Variants in SMYD3 observed in about 807,000 individuals in gnomAD.
SMYD3 encodes the protein histone-lysine N-methyltransferase SMYD3.
SMYD3 carries 36 observed loss-of-function variants against 57.7 expected under a neutral mutation model. The observed-to-expected ratio is 0.62, with a 90% CI of 0.48 to 0.82. The LOEUF (loss-of-function observed/expected upper bound fraction) is 0.82. Among genes scored for constraint, SMYD3 ranks in the 40% least tolerant of loss-of-function variants. SMYD3 has a pLI of 0.00. For synonymous variants in SMYD3, 211 were observed against 195.0 expected, an observed-to-expected ratio of 1.08 and a Z score of -0.68; for missense variants, 515 against 538.8, an observed-to-expected ratio of 0.96 and a Z score of 0.44.
intron 1 of SMYD3, among the ~76,000 whole-genome samples, chr1:246,503,781 G>A (rs2068493973): frequency 6.6e-6 from 1 of 152,032 alleles, no homozygotes; most frequent in African/African-American, 2.4e-5. Context: ...TGACTAACAT[G>A]GTGAAACCCC....
At chr1:245,920,288 G>A (rs1169844237) in intron 7 of SMYD3, among the ~76,000 whole-genome samples, 4 of 133,464 alleles carry the variant, frequency 3.0e-5, no homozygotes, top group Non-Finnish European at 3.1e-5. Context: ...ACTCCAGCCT[G>A]GGCGACAGAG....
chr1:246,304,409 A>G (rs1314947379), intron 5 of SMYD3, among the ~76,000 whole-genome samples: 1 of 152,224 alleles, frequency 6.6e-6, no homozygotes, highest in Non-Finnish European at 1.5e-5. Context: ...ATAAACATGA[A>G]AGACTTTCAA....
chr1:246,042,526 C>A (rs960838552), intron 5 of SMYD3, among the ~76,000 whole-genome samples: 1 of 152,158 alleles, frequency 6.6e-6, no homozygotes, highest in Non-Finnish European at 1.5e-5. Context: ...CGTTCAATTA[C>A]CTCTCTCCAT....
chr1:245,945,421 A>G (rs2057399871), intron 5 of SMYD3, among the ~76,000 whole-genome samples: 1 of 152,200 alleles, frequency 6.6e-6, no homozygotes, highest in Non-Finnish European at 1.5e-5. Context: ...CAAAGCCACA[A>G]TGAGAATCTC....
intron 4 of SMYD3, among the ~76,000 whole-genome samples, chr1:246,328,130 G>T (rs1308151233): frequency 6.6e-6 from 1 of 152,074 alleles, no homozygotes; most frequent in Admixed American, 6.5e-5. Flanking sequence ...GGAGGTGGCG[G>T]TTGCAGTGAG....
At chr1:246,445,768 G>T (rs1195741628) in intron 1 of SMYD3, among the ~76,000 whole-genome samples, 2 of 151,748 alleles carry the variant, frequency 1.3e-5, no homozygotes, top group African/African-American at 4.8e-5. Flanking sequence ...AAATTAATGT[G>T]CCTGAATGAC....
chr1:246,101,947 C>T lies in SMYD3; in HGVS notation c.532-172010G>A, dbSNP rs192885755. Among the ~76,000 whole-genome samples the T allele has an allele frequency of 2.4e-4, 37 of 152,316 alleles. No individual in the cohort carries two copies. The East Asian group carries it at 4.8e-3, about 20-fold the overall frequency. On this transcript the variant is annotated intron_variant, in intron 5 of 11. Transcript: ENST00000490107. ...TTTGAAATTCTCTTTGTTCGGCCTA[C>T]GTAAATACCTCCATTATCCATTTTA...
At chr1:246,037,386 A>G (rs1177311640) in intron 5 of SMYD3, among the ~76,000 whole-genome samples, 2 of 152,200 alleles carry the variant, frequency 1.3e-5, no homozygotes, top group Non-Finnish European at 2.9e-5. Context: ...GGAGCTTTTC[A>G]TCTGTGTCAT....
At chr1:246,436,639 T>C in intron 1 of SMYD3, among the ~76,000 whole-genome samples, 1 of 152,188 alleles carries the variant, frequency 6.6e-6, no homozygotes, top group South Asian at 2.1e-4. Context: ...GGCAGGTGTC[T>C]TGCCTAAATC....
At chr1:245,749,781 C>T (rs1166947494) in intron 11 of SMYD3, 117 bp from the exon 12 acceptor site, 2 of 685,332 alleles carry the variant, frequency 2.9e-6, no homozygotes, top group Non-Finnish European at 5.1e-6. Context: ...ACAGGGTGAA[C>T]AGTCTTTAAC....
intron 1 of SMYD3, among the ~76,000 whole-genome samples, chr1:246,384,031 GACAAAACAACCATTAA>G (rs2066430708): frequency 6.6e-6 from 1 of 151,946 alleles, no homozygotes; most frequent in South Asian, 2.1e-4. Context: ...TGGTGTCTTA[GACAAAACAACCATTAA>G]AAAAAAGGAG....
chr1:246,239,146 G>A lies in SMYD3; in HGVS notation c.531+88055C>T, dbSNP rs575854358. Reference sequence around the variant, plus strand: ...AAGTTCTAAGGTACATGTGCACAACGTGCAGGTTTGTTACATATGTATACA... The same window carrying A: ...AAGTTCTAAGGTACATGTGCACAACATGCAGGTTTGTTACATATGTATACA... On this transcript the variant is annotated intron_variant, in intron 5 of 11. Transcript: ENST00000490107. 6.6e-5 allele frequency among the ~76,000 whole-genome samples: 10 copies of A among 152,224 alleles called. 1 individual carries two copies. Among genetic ancestry groups the A allele is most frequent in the African/African-American group, 1.4e-4 (6 of 41,518 alleles).
At chr1:246,247,709 C>T (rs189066735) in intron 5 of SMYD3, among the ~76,000 whole-genome samples, 1 of 151,926 alleles carries the variant, frequency 6.6e-6, no homozygotes, top group South Asian at 2.1e-4. Context: ...TGGCAAAATG[C>T]TTCCCAAAGT....
chr1:245,828,554 G>A (rs940760625), intron 10 of SMYD3, among the ~76,000 whole-genome samples: 1 of 152,044 alleles, frequency 6.6e-6, no homozygotes, highest in African/African-American at 2.4e-5. Flanking sequence ...ATGTTTAATA[G>A]ACAAATAATA....
intron 5 of SMYD3, among the ~76,000 whole-genome samples, chr1:246,123,072 T>A (rs796583279): frequency 6.6e-6 from 1 of 152,216 alleles, no homozygotes; most frequent in South Asian, 2.1e-4. Flanking sequence ...CAATGTACTA[T>A]CCTCTTTTAC....
intron 5 of SMYD3, among the ~76,000 whole-genome samples, chr1:246,030,894 A>G (rs1477521376): frequency 6.6e-6 from 1 of 152,188 alleles, no homozygotes; most frequent in Non-Finnish European, 1.5e-5. Context: ...AAATCCCAAA[A>G]TAGAATCCCC....
Position 245,763,928 on chromosome 1 carries a change from G to A in SMYD3, c.1185+113C>T, listed in dbSNP as rs973870376. 5 of 728,828 alleles carry A rather than the reference G, an allele frequency of 6.9e-6. No homozygotes were observed. In the South Asian group the frequency reaches 9.1e-5, roughly 13 times the overall value. 45.1% of individuals were successfully genotyped at this position (728,828 alleles called of 1,614,324 possible). A position where few individuals can be genotyped will look rare whatever the true frequency, so the allele number is the denominator to read the frequency against. On this transcript the variant is annotated intron_variant, in intron 11 of 11. Transcript: ENST00000490107. ...ACATTTACCAGCACACACTGGGCATGCGTGTGTATGCGTGCACACATACAT... is the reference window on the plus strand; with the variant it reads ...ACATTTACCAGCACACACTGGGCATACGTGTGTATGCGTGCACACATACAT...
chr1:245,860,324 T>C (rs952390652), intron 9 of SMYD3, among the ~76,000 whole-genome samples: 3 of 152,204 alleles, frequency 2.0e-5, no homozygotes, highest in Non-Finnish European at 4.4e-5. Flanking sequence ...TCTCCCTCTC[T>C]GTCCAGCAAA....
At chr1:246,182,469 G>C (rs182109946) in intron 5 of SMYD3, among the ~76,000 whole-genome samples, 14 of 152,236 alleles carry the variant, frequency 9.2e-5, no homozygotes, top group Admixed American at 3.3e-4. Context: ...AGACTGAAGT[G>C]ATAACGTCAC....
Sources: allele counts gnomAD v4.1 joint callset (sites outside exome capture counted in the v4.1 genomes callset), GRCh38; gene constraint gnomAD v4.1.1; transcripts MANE v1.5; gene names NCBI Gene and HGNC (gene_info 2026-07-23, HGNC 2026-07-21).